The following RFX3 variants were observed in gnomAD, a reference collection of about 807,000 sequenced individuals.
RFX3 encodes regulatory factor X3.
Under a neutral mutation model 98.6 loss-of-function variants are expected in RFX3, and 14 were observed. The observed-to-expected ratio is 0.14, with a 90% confidence interval of 0.09 to 0.22. The LOEUF (loss-of-function observed/expected upper bound fraction) is 0.22, where lower values mean the gene tolerates loss of function less well. Ranked by LOEUF, RFX3 falls within the 10% of genes least tolerant of loss-of-function variation. The probability of loss-of-function intolerance (pLI) is 1.00; values close to 1 mark genes in which losing one functional copy is unlikely to be tolerated. For synonymous variants in RFX3, 383 were observed against 328.4 expected, an observed-to-expected ratio of 1.17 and a Z score of -1.80; for missense variants, 639 against 926.9, an observed-to-expected ratio of 0.69 and a Z score of 4.03.
chr9:3,385,609 G>A (rs988610831), intron 2 of RFX3, among the ~76,000 whole-genome samples: 16 of 151,062 alleles, frequency 1.1e-4, no homozygotes, highest in African/African-American at 1.7e-4. Context: ...TCAAGAGGCT[G>A]AGGCAGGAGA....
At chr9:3,375,326 T>C (rs541846265) in intron 2 of RFX3, among the ~76,000 whole-genome samples, 1 of 152,312 alleles carries the variant, frequency 6.6e-6, no homozygotes, top group South Asian at 2.1e-4. Context: ...CCATTTTACT[T>C]TGATTCTGAT....
chr9:3,405,908 A>G (rs1841924031), intron 1 of RFX3, among the ~76,000 whole-genome samples: 1 of 152,064 alleles, frequency 6.6e-6, no homozygotes, highest in African/African-American at 2.4e-5. Flanking sequence ...ATCCAGCCTT[A>G]TGGAACTACC....
chr9:3,385,895 C>G (rs974367071), intron 2 of RFX3, among the ~76,000 whole-genome samples: 2 of 152,070 alleles, frequency 1.3e-5, no homozygotes, highest in Non-Finnish European at 2.9e-5. Context: ...CAATGCCACA[C>G]TTGATCCAAA....
chr9:3,243,552 T>C (rs981861781), intron 15 of RFX3, among the ~76,000 whole-genome samples: 1 of 152,204 alleles, frequency 6.6e-6, no homozygotes, highest in Admixed American at 6.5e-5. Flanking sequence ...GTTTGTATGC[T>C]TGTATATATC....
Position 3,288,208 on chromosome 9 carries a change from T to C in RFX3, c.774A>G (p.Pro258=), listed in dbSNP as rs1004046595. 10 of 1,611,920 alleles carry C rather than the reference T, an allele frequency of 6.2e-6. No individual in the cohort carries two copies. The African/African-American group carries it at 9.4e-5, about 15-fold the overall frequency. ...CTTGCAGACGATTAAGAGGGGAATC[T>C]GGCTTGACACGAATCCCATAGTAGT... ...KYHYYGIRVK[P]DSPLNRLQED... The change falls in exon 7 of 17, where the codon CCA becomes CCG. Residue 258 remains proline (P), a synonymous_variant. Transcript: ENST00000617270.
chr9:3,476,152 GATTA>G (rs1849231642), intron 1 of RFX3, among the ~76,000 whole-genome samples: 1 of 150,202 alleles, frequency 6.7e-6, no homozygotes, highest in African/African-American at 2.4e-5. Flanking sequence ...TGCTACAAAT[GATTA>G]ATGATACTCA....
chr9:3,284,635 G>A (rs1826339526), intron 7 of RFX3, among the ~76,000 whole-genome samples: 1 of 151,628 alleles, frequency 6.6e-6, no homozygotes, highest in South Asian at 2.1e-4. Flanking sequence ...TTACTGGAGT[G>A]CCTAGGTCCA....
At chr9:3,237,304 G>A (rs1247814023) in intron 15 of RFX3, among the ~76,000 whole-genome samples, 1 of 152,146 alleles carries the variant, frequency 6.6e-6, no homozygotes, top group Non-Finnish European at 1.5e-5. Context: ...AAAGAATGCT[G>A]TTGGATTCTT....
At chr9:3,316,458 A>G (rs1442388302) in intron 4 of RFX3, among the ~76,000 whole-genome samples, 2 of 152,214 alleles carry the variant, frequency 1.3e-5, no homozygotes, top group African/African-American at 2.4e-5. Flanking sequence ...CCCTTTGAAA[A>G]CTGGCACAAG....
intron 1 of RFX3, among the ~76,000 whole-genome samples, chr9:3,485,236 G>C (rs1850159684): frequency 3.3e-5 from 5 of 152,100 alleles, no homozygotes; most frequent in Admixed American, 3.3e-4. Flanking sequence ...TGTTCTATTG[G>C]TTTTTCCTAA....
chr9:3,434,046 A>G (rs1242168312), intron 1 of RFX3, among the ~76,000 whole-genome samples: 2 of 152,168 alleles, frequency 1.3e-5, no homozygotes, highest in Non-Finnish European at 2.9e-5. Flanking sequence ...TGAAATCTCA[A>G]TGGAGATTCT....
chr9:3,225,835 C>A (rs1289493362), intron 16 of RFX3, among the ~76,000 whole-genome samples: 1 of 152,064 alleles, frequency 6.6e-6, no homozygotes, highest in African/African-American at 2.4e-5. Context: ...ATTAAATAAA[C>A]CCTTAATTTT....
In RFX3 at chr9:3,277,305, T is replaced by G. The variant is rs201503501; in HGVS notation, c.973+35A>C. 9.4e-4 allele frequency: 1,504 copies of G among 1,602,592 alleles called. 2 individuals carry two copies. Among genetic ancestry groups the G allele is most frequent in the Non-Finnish European group, 1.2e-3 (1,397 of 1,171,274 alleles). On this transcript the variant is annotated intron_variant, in intron 8 of 16. Coordinates refer to ENST00000617270, the MANE Select transcript of RFX3 (RefSeq NM_001282116.2). Reference sequence around the variant, plus strand: ...AGAAAAGACTAACTTTTCAAAATCCTAGTAGCAACTAATATGCATTACACC... The same window carrying G: ...AGAAAAGACTAACTTTTCAAAATCCGAGTAGCAACTAATATGCATTACACC...
In RFX3 at chr9:3,237,669, T is replaced by A. The variant is rs78425071; in HGVS notation, c.1969-8780A>T. On this transcript the variant is annotated intron_variant, in intron 15 of 16. Coordinates refer to ENST00000617270, the MANE Select transcript of RFX3 (RefSeq NM_001282116.2). Reference sequence around the variant, plus strand: ...TCTACTTACCTACCTAAATTAATCTTCACAAAAGCCCTATGAAAAAATGTC... The same window carrying A: ...TCTACTTACCTACCTAAATTAATCTACACAAAAGCCCTATGAAAAAATGTC... Among the ~76,000 whole-genome samples the A allele has an allele frequency of 8.9e-3, 1,359 of 152,282 alleles. 16 individuals carry two copies. Among genetic ancestry groups the A allele is most frequent in the African/African-American group, 0.031 (1,294 of 41,542 alleles).
intron 1 of RFX3, among the ~76,000 whole-genome samples, chr9:3,461,394 T>C (rs954990049): frequency 3.3e-5 from 5 of 152,006 alleles, no homozygotes; most frequent in Admixed American, 2.6e-4. Context: ...TGGATGAAAA[T>C]AGAACAGTTT....
At chr9:3,503,032 A>C (rs1254923444) in intron 1 of RFX3, among the ~76,000 whole-genome samples, 1 of 152,212 alleles carries the variant, frequency 6.6e-6, no homozygotes, top group Non-Finnish European at 1.5e-5. Flanking sequence ...TTGGTCACCA[A>C]AGTCTCTTAT....
intron 2 of RFX3, among the ~76,000 whole-genome samples, chr9:3,392,173 C>T (rs765068678): frequency 1.3e-5 from 2 of 152,072 alleles, no homozygotes; most frequent in Non-Finnish European, 2.9e-5. Context: ...TTCAAATCAG[C>T]GTCTTATATC....
At chr9:3,296,687 G>C (rs1236037891) in intron 5 of RFX3, among the ~76,000 whole-genome samples, 2 of 152,090 alleles carry the variant, frequency 1.3e-5, no homozygotes, top group East Asian at 1.9e-4. Context: ...AGGAGGAACT[G>C]TATTCCTTGC....
At chr9:3,475,641 C>T (rs1204690105) in intron 1 of RFX3, among the ~76,000 whole-genome samples, 2 of 152,174 alleles carry the variant, frequency 1.3e-5, no homozygotes, top group Admixed American at 1.3e-4. Context: ...ATATCAGAGA[C>T]TTTTAGTACT....
Sources: allele counts gnomAD v4.1 joint callset (sites outside exome capture counted in the v4.1 genomes callset), GRCh38; gene constraint gnomAD v4.1.1; transcripts MANE v1.5; gene names NCBI Gene and HGNC (gene_info 2026-07-23, HGNC 2026-07-21).